Variants in CCDC6 observed in about 807,000 individuals in gnomAD.
CCDC6 encodes the protein coiled-coil domain-containing protein 6.
A neutral mutation model predicts 56.6 loss-of-function variants in CCDC6; 20 were observed. That is an observed-to-expected ratio of 0.35 (90% CI 0.25 to 0.51). The LOEUF is 0.51. Ranked by LOEUF, CCDC6 falls within the 20% of genes least tolerant of loss-of-function variation. The pLI is 0.95. For synonymous variants in CCDC6, 241 were observed against 234.4 expected (o/e 1.03, Z -0.26); for missense variants, 367 against 601.1 (o/e 0.61, Z 4.07).
chr10:59,895,480 T>C (rs2071455163), intron 1 of CCDC6, among the ~76,000 whole-genome samples: 2 of 152,210 alleles, frequency 1.3e-5, no homozygotes, highest in Non-Finnish European at 2.9e-5. Context: ...CTTATGGCTA[T>C]GGATAAACAG....
At chr10:59,807,432 C>T (rs528282678) in intron 5 of CCDC6, among the ~76,000 whole-genome samples, 10 of 152,084 alleles carry the variant, frequency 6.6e-5, no homozygotes, top group African/African-American at 9.7e-5. Context: ...TTGTAGTGAG[C>T]GAGACTGAGC....
chr10:59,803,875 T>C (rs2070596918), intron 7 of CCDC6, among the ~76,000 whole-genome samples: 1 of 152,224 alleles, frequency 6.6e-6, no homozygotes, highest in Non-Finnish European at 1.5e-5. Context: ...AGGCAGCTCA[T>C]GCTAGAAAGA....
At chr10:59,856,760 C>T (rs1305790650) in intron 1 of CCDC6, among the ~76,000 whole-genome samples, 5 of 152,140 alleles carry the variant, frequency 3.3e-5, no homozygotes, top group Non-Finnish European at 7.3e-5. Flanking sequence ...ACCTAAAATG[C>T]TTGCAAGTCT....
At chr10:59,818,984 A>G (rs1447881333) in intron 3 of CCDC6, among the ~76,000 whole-genome samples, 1 of 152,190 alleles carries the variant, frequency 6.6e-6, no homozygotes, top group African/African-American at 2.4e-5. Flanking sequence ...TTAACACATC[A>G]CTACTATGAC....
At chr10:59,822,736 G>A (rs1293776803) in intron 3 of CCDC6, among the ~76,000 whole-genome samples, 3 of 152,094 alleles carry the variant, frequency 2.0e-5, no homozygotes, top group African/African-American at 7.2e-5. Flanking sequence ...GGGGGGCAGA[G>A]AAATTCTAGG....
chr10:59,885,699 A>T (rs1011253159), intron 1 of CCDC6, among the ~76,000 whole-genome samples: 1 of 152,118 alleles, frequency 6.6e-6, no homozygotes, highest in African/African-American at 2.4e-5. Flanking sequence ...CCCTGGGCCC[A>T]GAACATTTTT....
chr10:59,827,343 A>G (rs541081533), intron 3 of CCDC6, among the ~76,000 whole-genome samples: 98 of 152,374 alleles, frequency 6.4e-4, no homozygotes, highest in Admixed American at 1.5e-3. Context: ...GAAAGTCATC[A>G]CAGTGACACA....
At chr10:59,898,503 G>A (rs1287678999) in intron 1 of CCDC6, among the ~76,000 whole-genome samples, 3 of 152,208 alleles carry the variant, frequency 2.0e-5, no homozygotes, top group Non-Finnish European at 4.4e-5. Context: ...CCCTACAGGA[G>A]TCGGCCTAAG....
intron 1 of CCDC6, among the ~76,000 whole-genome samples, chr10:59,900,333 GTACA>G (rs2132688553): frequency 6.6e-6 from 1 of 152,232 alleles, no homozygotes; most frequent in East Asian, 1.9e-4. Context: ...GGAGAAGGCA[GTACA>G]GTCTATTTCA....
At chr10:59,847,817 CTTTTTTTT>C (rs757902015) in intron 2 of CCDC6, among the ~76,000 whole-genome samples, 2 of 104,862 alleles carry the variant, frequency 1.9e-5, no homozygotes, top group African/African-American at 7.8e-5. Context: ...GCCTTTTAGA[CTTTTTTTT>C]TTTTTTTTTT....
intron 1 of CCDC6, among the ~76,000 whole-genome samples, chr10:59,867,609 A>T (rs1372366151): frequency 6.6e-6 from 1 of 152,206 alleles, no homozygotes; most frequent in African/African-American, 2.4e-5. Context: ...GCTGAAGTGC[A>T]GTGGCACTAT....
At position 59,870,213 on chromosome 10, in the gene CCDC6, T is replaced by C. The variant is rs990984314; in HGVS notation, c.304-17511A>G. On this transcript the variant is annotated intron_variant, in intron 1 of 8. Transcript: ENST00000263102. ...GCAAGTACTCCGATACTGGTTAACA[T>C]ATGGGCAACTCATTGAGACGTGGAA... Among the ~76,000 whole-genome samples the C allele has an allele frequency of 4.9e-4, 75 of 152,194 alleles. 1 individual carries two copies. Among genetic ancestry groups the C allele is most frequent in the African/African-American group, 1.8e-3 (73 of 41,454 alleles).
chr10:59,820,072 A>G (rs2070738418), intron 3 of CCDC6, among the ~76,000 whole-genome samples: 2 of 152,242 alleles, frequency 1.3e-5, no homozygotes, highest in African/African-American at 4.8e-5. Flanking sequence ...ATAAAAATGC[A>G]TCTGGCTTAT....
chr10:59,819,718 T>C (rs2132635946), intron 3 of CCDC6, among the ~76,000 whole-genome samples: 1 of 152,254 alleles, frequency 6.6e-6, no homozygotes, highest in South Asian at 2.1e-4. Flanking sequence ...CTCTTCCACA[T>C]CCTTCCTAGT....
intron 1 of CCDC6, among the ~76,000 whole-genome samples, chr10:59,887,109 A>C (rs1241866394): frequency 1.3e-5 from 2 of 152,220 alleles, no homozygotes; most frequent in African/African-American, 4.8e-5. Context: ...CTGTGAATTT[A>C]CCAAGAAAGG....
At chr10:59,840,711 G>C (rs1238317543) in intron 2 of CCDC6, among the ~76,000 whole-genome samples, 1 of 152,136 alleles carries the variant, frequency 6.6e-6, no homozygotes, top group Non-Finnish European at 1.5e-5. Flanking sequence ...CATCTTAAAT[G>C]ATGGTAACTA....
intron 2 of CCDC6, among the ~76,000 whole-genome samples, chr10:59,835,978 C>T (rs969823426): frequency 6.7e-6 from 1 of 148,318 alleles, no homozygotes; most frequent in Non-Finnish European, 1.5e-5. Context: ...CTGCTGGAGC[C>T]CAGAAGGTCA....
At chr10:59,795,723 G>C (rs1020143268) in intron 7 of CCDC6, among the ~76,000 whole-genome samples, 2 of 148,216 alleles carry the variant, frequency 1.3e-5, no homozygotes, top group Admixed American at 7.0e-5. Context: ...CAGAACATGT[G>C]GTGTTTCGTT....
At position 59,804,378 on chromosome 10, in the gene CCDC6, G is replaced by A. The variant is rs12262905; in HGVS notation, c.1105+42C>T. 0.049 allele frequency: 57,232 copies of A among 1,178,558 alleles called. 1,599 individuals are homozygous for A. Among genetic ancestry groups the A allele is most frequent in the African/African-American group, 0.087 (5,797 of 66,534 alleles). 73.0% of individuals were successfully genotyped at this position (1,178,558 alleles called of 1,614,324 possible). ...ACAGTCAGGGTTGCCTATTCAATGT[G>A]CCAGGAATCAGTCACTGAAATAGCC... On this transcript the variant is annotated intron_variant, in intron 7 of 8. Transcript: ENST00000263102.
Sources: allele counts gnomAD v4.1 joint callset (sites outside exome capture counted in the v4.1 genomes callset), GRCh38; gene constraint gnomAD v4.1.1; transcripts MANE v1.5; gene names NCBI Gene and HGNC (gene_info 2026-07-23, HGNC 2026-07-21).